PTGIS: variants seen among roughly 807,000 people sequenced by gnomAD.
The protein encoded by PTGIS is prostacyclin synthase.
Under a neutral mutation model 50.3 loss-of-function variants are expected in PTGIS, and 45 were observed. The observed-to-expected ratio is 0.90, with a 90% CI of 0.70 to 1.15. The LOEUF (loss-of-function observed/expected upper bound fraction) is 1.15, where lower values mean the gene tolerates loss of function less well. PTGIS is among the 50% of genes most tolerant of loss of function. The pLI is 0.00. For synonymous variants in PTGIS, 260 were observed against 267.7 expected, an observed-to-expected ratio of 0.97 and a Z score of 0.28; for missense variants, 668 against 661.3, an observed-to-expected ratio of 1.01 and a Z score of -0.11.
At chr20:49,565,490 A>G (rs537502109) in intron 1 of PTGIS, among the ~76,000 whole-genome samples, 3 of 152,232 alleles carry the variant, frequency 2.0e-5, no homozygotes, top group South Asian at 4.1e-4. Context: ...ACATGGCAAG[A>G]TGCCATCTCT....
intron 4 of PTGIS, among the ~76,000 whole-genome samples, chr20:49,543,172 C>T (rs1202999288): frequency 3.9e-5 from 6 of 152,040 alleles, no homozygotes; most frequent in East Asian, 1.9e-4. Context: ...CTCTCACTCA[C>T]GCCCACGCTC....
intron 2 of PTGIS, among the ~76,000 whole-genome samples, chr20:49,548,832 T>C (rs1452627872): frequency 1.3e-5 from 2 of 152,108 alleles, no homozygotes; most frequent in African/African-American, 4.8e-5. Flanking sequence ...AATGAATCTA[T>C]GTTGGATGGA....
intron 3 of PTGIS, among the ~76,000 whole-genome samples, chr20:49,546,338 C>T (rs563879357): frequency 6.6e-6 from 1 of 152,218 alleles, no homozygotes; most frequent in Non-Finnish European, 1.5e-5. Context: ...CCCAGGGTCC[C>T]CCTGGAATGT....
chr20:49,524,093 C>A lies in PTGIS; in HGVS notation c.820G>T (p.Ala274Ser). Residue 274 changes from alanine to serine, a missense_variant, in exon 6 of 10, where the codon GCA becomes TCA. Physicochemically the swap from Ala to Ser is moderately conservative, Grantham distance 99 (BLOSUM62 1). Coordinates refer to ENST00000244043, the MANE Select transcript of PTGIS (RefSeq NM_000961.4). ...EEMGVSEEMQ[A>S]RALVLQLWAT... ...CACAGCTGCAGCACCAGGGCCCGTG[C>A]CTGCATCTCCTCTGACACACCCATC... is the stretch of plus-strand genomic sequence containing the variant. 6.2e-7 allele frequency: 1 copy of A among 1,614,224 alleles called. No individual in the cohort carries two copies. The highest frequency in any genetic ancestry group is 8.5e-7 in the Non-Finnish European group (1 of 1,180,044).
chr20:49,522,197 C>A (rs1981668986), intron 6 of PTGIS, among the ~76,000 whole-genome samples: 1 of 152,084 alleles, frequency 6.6e-6, no homozygotes, highest in Admixed American at 6.6e-5. Flanking sequence ...AACCCCAGGG[C>A]CTTTGCACTT....
intron 1 of PTGIS, among the ~76,000 whole-genome samples, chr20:49,567,504 C>T (rs368720017): frequency 2.0e-5 from 3 of 152,136 alleles, no homozygotes; most frequent in African/African-American, 7.2e-5. Context: ...ATCAAGACAT[C>T]CCCCAGGGGC....
At chr20:49,513,563 G>A (rs1241554651) in intron 7 of PTGIS, among the ~76,000 whole-genome samples, 1 of 152,060 alleles carries the variant, frequency 6.6e-6, no homozygotes, top group Non-Finnish European at 1.5e-5. Flanking sequence ...CTCTGTTCCT[G>A]TCTGCCCGGC....
chr20:49,550,246 T>C (rs1167236637), intron 1 of PTGIS, 57 bp from the exon 2 acceptor site: 2 of 1,597,090 alleles, frequency 1.3e-6, no homozygotes, highest in African/African-American at 1.3e-5. Context: ...GCATAAAGAG[T>C]GTAGGTTGCA....
intron 5 of PTGIS, among the ~76,000 whole-genome samples, chr20:49,535,883 T>A (rs180774957): frequency 6.6e-6 from 1 of 152,324 alleles, no homozygotes; most frequent in African/African-American, 2.4e-5. Flanking sequence ...ATTGCTGGAG[T>A]TTGTTTTATT....
In PTGIS at chr20:49,540,171, C is replaced by T. The variant is rs1037832987; in HGVS notation, c.522-450G>A. 2.6e-5 allele frequency among the ~76,000 whole-genome samples: 4 copies of T among 151,942 alleles called. No homozygotes were observed. The East Asian group carries it at 5.8e-4, about 22-fold the overall frequency. ...TGATGTCCTGGGGCAGGAGGGAGCC[C>T]GGTGCTGGGGAGCAGCAAGGAGGCT... On this transcript the variant is annotated intron_variant, in intron 4 of 9. Transcript: ENST00000244043. The surrounding 1 kb of genome is among the most constrained non-coding windows in gnomAD (Gnocchi z 4.8).
chr20:49,515,693 C>G (rs1981455756), intron 6 of PTGIS, among the ~76,000 whole-genome samples: 1 of 152,084 alleles, frequency 6.6e-6, no homozygotes, highest in Non-Finnish European at 1.5e-5. Flanking sequence ...TCAATGAGAT[C>G]AATGAAGATC....
chr20:49,547,096 G>C (rs1204641031), intron 3 of PTGIS, among the ~76,000 whole-genome samples: 1 of 152,190 alleles, frequency 6.6e-6, no homozygotes, highest in Non-Finnish European at 1.5e-5. Context: ...GCCAGGTGTG[G>C]TGGCACGTGC....
chr20:49,545,156 A>C (rs1451082157), intron 3 of PTGIS, among the ~76,000 whole-genome samples: 1 of 152,222 alleles, frequency 6.6e-6, no homozygotes, highest in Non-Finnish European at 1.5e-5. Flanking sequence ...CTGTAGTCTC[A>C]GCTACTCGAG....
Position 49,539,597 on chromosome 20 carries a change from T to G in PTGIS, c.646A>C (p.Lys216Gln), listed in dbSNP as rs753002390. 1.9e-5 allele frequency: 30 copies of G among 1,613,654 alleles called. No homozygotes were observed. The highest frequency in any genetic ancestry group is 3.3e-4 in the Middle Eastern group (2 of 6,084). Residue 216 changes from lysine to glutamine, a missense_variant, in exon 5 of 10, where the codon AAA becomes CAA. Coordinates refer to ENST00000244043, the MANE Select transcript of PTGIS (RefSeq NM_000961.4). ...ACTGACAGGGAGCCACGGGCCAGTTTGGGGAGCAGCCGGTCGAGCTGGCGA... is the reference window on the plus strand; with the variant it reads ...ACTGACAGGGAGCCACGGGCCAGTTGGGGGAGCAGCCGGTCGAGCTGGCGA... ...TFRQLDRLLPKLARGSLSVGD... is the reference protein window; with the variant it reads ...TFRQLDRLLPQLARGSLSVGD...
rs916606221 is a variant in PTGIS at position 49,540,012 on chromosome 20, T to A, written c.522-291A>T. Among the ~76,000 whole-genome samples the A allele has an allele frequency of 5.9e-5, 9 of 151,702 alleles. No individual in the cohort carries two copies. Among genetic ancestry groups the A allele is most frequent in the Admixed American group, 5.9e-4 (9 of 15,258 alleles). The stretch of plus-strand genomic sequence containing the variant: ...TCAGACACAAAGCTGGGTAGCAGGA[T>A]GGGAGGGCGGGGGCTGTGGTGTCAG... On this transcript the variant is annotated intron_variant, in intron 4 of 9. Transcript: ENST00000244043. This position sits in a 1 kb window ranked among gnomAD's most constrained non-coding sequence, Gnocchi z 4.8.
intron 4 of PTGIS, among the ~76,000 whole-genome samples, chr20:49,543,926 T>C (rs1419865714): frequency 6.6e-6 from 1 of 152,222 alleles, no homozygotes; most frequent in Non-Finnish European, 1.5e-5. Flanking sequence ...GTGCAGTTTT[T>C]AACATACATT....
intron 1 of PTGIS, among the ~76,000 whole-genome samples, chr20:49,566,293 G>A (rs759284913): frequency 6.6e-6 from 1 of 152,194 alleles, no homozygotes; most frequent in African/African-American, 2.4e-5. Flanking sequence ...ACTCCAGAGA[G>A]GATCAAAAGA....
rs541977003 is a variant in PTGIS at position 49,562,676 on chromosome 20, T to C, written c.74+5367A>G. The stretch of plus-strand genomic sequence containing the variant: ...CACACAGCCGGTTTCCTGCCCACCC[T>C]GGGTCAGATCCCAAGGCATCTTTTC... On this transcript the variant is annotated intron_variant, in intron 1 of 9. Coordinates refer to ENST00000244043, the MANE Select transcript of PTGIS (RefSeq NM_000961.4). Among the ~76,000 whole-genome samples, 254 of 152,320 alleles carry C rather than the reference T, an allele frequency of 1.7e-3. 1 individual carries two copies. Among genetic ancestry groups the C allele is most frequent in the African/African-American group, 5.9e-3 (246 of 41,582 alleles).
chr20:49,530,549 C>A (rs1021621878), intron 5 of PTGIS, among the ~76,000 whole-genome samples: 2 of 152,138 alleles, frequency 1.3e-5, no homozygotes, highest in African/African-American at 2.4e-5. Flanking sequence ...ACCACCAGTG[C>A]GAAAGAGTTC....
Sources: gnomAD v4.1 joint callset for allele counts (sites outside exome capture counted in the v4.1 genomes callset) on GRCh38, gnomAD v4.1.1 for gene constraint, Gnocchi (gnomAD v3.1) non-coding constraint, MANE v1.5 for transcripts, NCBI Gene and HGNC (gene_info 2026-07-23, HGNC 2026-07-21) for gene names.